R3HDM1: variants seen among roughly 807,000 people sequenced by gnomAD.
R3HDM1 encodes R3H domain containing 1.
A neutral mutation model predicts 141.1 loss-of-function variants in R3HDM1; 46 were observed. That is an observed-to-expected ratio of 0.33 (90% CI 0.26 to 0.42). The LOEUF is 0.42. Among genes scored for constraint, R3HDM1 ranks in the 10% least tolerant of loss-of-function variants. The pLI is 1.00. For missense variants in R3HDM1, 1,184 were observed against 1,368.3 expected (o/e 0.87, Z 2.12); for synonymous variants, 435 against 472.9 (o/e 0.92, Z 1.04).
chr2:135,557,020 C>G (rs889823373), intron 1 of R3HDM1, among the ~76,000 whole-genome samples: 13 of 151,980 alleles, frequency 8.6e-5, no homozygotes, highest in African/African-American at 3.1e-4. Flanking sequence ...TTTAGCTTTA[C>G]TTGTAAGAAA....
At chr2:135,549,919 T>G in intron 1 of R3HDM1, 1 of 865,430 alleles carries the variant, frequency 1.2e-6, no homozygotes, top group African/African-American at 1.8e-5. Flanking sequence ...ATACATTACA[T>G]ATGTATTTCC....
At chr2:135,705,339 C>A (rs1479473668) in intron 21 of R3HDM1, among the ~76,000 whole-genome samples, 2 of 152,216 alleles carry the variant, frequency 1.3e-5, no homozygotes, top group Non-Finnish European at 2.9e-5. Flanking sequence ...AGAGTTGGAA[C>A]ACAGCCCTGT....
At chr2:135,623,089 T>G (rs1321714840) in intron 7 of R3HDM1, 1 of 953,154 alleles carries the variant, frequency 1.0e-6, no homozygotes, top group African/African-American at 1.8e-5. Flanking sequence ...CACTTATGAG[T>G]TTTTGAAGTT....
chr2:135,591,297 G>A (rs1418718577), intron 1 of R3HDM1, among the ~76,000 whole-genome samples: 1 of 152,030 alleles, frequency 6.6e-6, no homozygotes, highest in East Asian at 1.9e-4. Context: ...GTTGGTCATG[G>A]GTAAAAAGTA....
rs927832503 is a variant in R3HDM1, at chr2:135,621,850, G to A, written c.418+242G>A. ...GTTGAGGACATCTTAATCTCTTACT[G>A]GTCCCTCACTCATAGTAAAATACTA... On this transcript the variant is annotated intron_variant, in intron 6 of 26. Transcript: ENST00000683871. 3.7e-5 allele frequency: 36 copies of A among 981,038 alleles called. 1 individual carries two copies. The South Asian group carries it at 1.2e-3, about 32-fold the overall frequency. The allele number at this position is 981,038 out of a possible 1,614,324, so 60.8% of individuals were successfully genotyped here. A position where few individuals can be genotyped will look rare whatever the true frequency, so the allele number is the denominator to read the frequency against.
At chr2:135,720,133 G>A (rs965579072) in intron 24 of R3HDM1, among the ~76,000 whole-genome samples, 23 of 152,274 alleles carry the variant, frequency 1.5e-4, no homozygotes, top group African/African-American at 4.6e-4. Context: ...GTGAGCCACC[G>A]CGCCCGGCCT....
chr2:135,610,040 T>C (rs374390318), intron 3 of R3HDM1, among the ~76,000 whole-genome samples: 2 of 151,894 alleles, frequency 1.3e-5, no homozygotes, highest in Non-Finnish European at 2.9e-5. Context: ...TGAGACCCTG[T>C]CTTAAAAAAA....
At chr2:135,703,508 T>TA (rs1471976503) in intron 21 of R3HDM1, among the ~76,000 whole-genome samples, 9 of 152,186 alleles carry the variant, frequency 5.9e-5, no homozygotes, top group Non-Finnish European at 1.2e-4. Flanking sequence ...GGGCTCACCA[T>TA]TTTATCTTAG....
chr2:135,555,889 A>C (rs1453158976), intron 1 of R3HDM1, among the ~76,000 whole-genome samples: 2 of 152,040 alleles, frequency 1.3e-5, no homozygotes, highest in Admixed American at 6.6e-5. Flanking sequence ...GGTGGCATAC[A>C]TTTGTGGTCC....
intron 1 of R3HDM1, among the ~76,000 whole-genome samples, chr2:135,571,198 A>G (rs544160986): frequency 1.3e-5 from 2 of 152,304 alleles, no homozygotes; most frequent in East Asian, 3.8e-4. Context: ...TTTATATTTT[A>G]TAGGATGCCA....
intron 1 of R3HDM1, among the ~76,000 whole-genome samples, chr2:135,535,022 C>T (rs1462938277): frequency 6.6e-6 from 1 of 152,180 alleles, no homozygotes; most frequent in East Asian, 1.9e-4. Flanking sequence ...TAAAAAATTT[C>T]ACTATTGACT....
At chr2:135,699,048 A>ATAGATAGATAGAT (rs1559466490) in intron 21 of R3HDM1, among the ~76,000 whole-genome samples, 1 of 130,444 alleles carries the variant, frequency 7.7e-6, no homozygotes, top group African/African-American at 3.2e-5. Flanking sequence ...GATAGATAAG[A>ATAGATAGATAGAT]TAGATAAGAT....
intron 1 of R3HDM1, among the ~76,000 whole-genome samples, chr2:135,581,878 T>C (rs986194349): frequency 7.9e-5 from 12 of 152,220 alleles, no homozygotes; most frequent in Admixed American, 7.9e-4. Context: ...TGCATCATTA[T>C]CCTCAACTTA....
At chr2:135,660,498 G>A (rs936517326) in intron 18 of R3HDM1, among the ~76,000 whole-genome samples, 5 of 152,060 alleles carry the variant, frequency 3.3e-5, no homozygotes, top group Non-Finnish European at 2.9e-5. Context: ...GCATCATGTT[G>A]GTACTCAGAA....
rs936459281 is a variant in R3HDM1, at chr2:135,607,945, A to G, written c.171+2929A>G. ...GACTGTAACGATTTGGAAGGAGGGA[A>G]AAAGAGAATGTGAGAATTTATTTTA... On this transcript the variant is annotated intron_variant, in intron 3 of 26. Transcript: ENST00000683871. 3 of 983,574 alleles carry G rather than the reference A, an allele frequency of 3.1e-6. No individual in the cohort carries two copies. In the African/African-American group the frequency reaches 5.2e-5, roughly 17 times the overall value. The allele number at this position is 983,574 out of a possible 1,614,324, so 60.9% of individuals were successfully genotyped here. A position where few individuals can be genotyped will look rare whatever the true frequency, so the allele number is the denominator to read the frequency against.
Position 135,555,093 on chromosome 2 carries a change from A to C in R3HDM1, c.-250+23460A>C, listed in dbSNP as rs146415034. ...AAGGTGGGCGGATCACGAGGTCAAG[A>C]GATGGAGACTTTCCTGGCCAACATG... On this transcript the variant is annotated intron_variant, in intron 1 of 26. Transcript: ENST00000683871. Among the ~76,000 whole-genome samples, 269 of 152,214 alleles carry C rather than the reference A, an allele frequency of 1.8e-3. 7 individuals are homozygous for C. In the East Asian group the frequency reaches 0.048, roughly 27 times the overall value.
chr2:135,701,046 TAAC>T (rs1046746184), intron 21 of R3HDM1, among the ~76,000 whole-genome samples: 4 of 152,092 alleles, frequency 2.6e-5, no homozygotes, highest in Admixed American at 1.3e-4. Flanking sequence ...AGAACAATGA[TAAC>T]AATATACTGT....
chr2:135,660,359 A>T (rs184497096), intron 18 of R3HDM1, among the ~76,000 whole-genome samples: 1 of 152,186 alleles, frequency 6.6e-6, no homozygotes, highest in Non-Finnish European at 1.5e-5. Flanking sequence ...TCTTATACAC[A>T]TAGCCTTAAG....
chr2:135,678,310 G>A (rs1201454233), intron 20 of R3HDM1, among the ~76,000 whole-genome samples: 2 of 151,976 alleles, frequency 1.3e-5, no homozygotes, highest in African/African-American at 4.8e-5. Flanking sequence ...GAACAGTGAA[G>A]TGATTCTAGA....
Sources: gnomAD v4.1 joint callset for allele counts (sites outside exome capture counted in the v4.1 genomes callset) on GRCh38, gnomAD v4.1.1 for gene constraint, MANE v1.5 for transcripts, NCBI Gene and HGNC (gene_info 2026-07-23, HGNC 2026-07-21) for gene names.